GNG7: variants seen among roughly 807,000 people sequenced by gnomAD.
GNG7 encodes G protein subunit gamma 7.
Under a neutral mutation model 4.0 loss-of-function variants are expected in GNG7, and 1 was observed. That is an observed-to-expected ratio of 0.25 (90% CI 0.09 to 1.18). The LOEUF is 1.18. Among genes scored for constraint, GNG7 ranks in the 50% most tolerant of loss-of-function variants. The pLI, the probability that GNG7 is intolerant of heterozygous loss-of-function variation, is 0.50. For missense variants in GNG7, 86 were observed against 91.9 expected (o/e 0.94, Z 0.26); for synonymous variants, 34 against 36.9 (o/e 0.92, Z 0.29).
At chr19:2,694,140 G>A (rs1193607340) in intron 1 of GNG7, among the ~76,000 whole-genome samples, 1 of 152,016 alleles carries the variant, frequency 6.6e-6, no homozygotes, top group Admixed American at 6.6e-5. Context: ...GGTAAGCACA[G>A]GGGATTTGGG....
chr19:2,693,496 G>C (rs1020317403), intron 1 of GNG7, among the ~76,000 whole-genome samples: 1 of 151,974 alleles, frequency 6.6e-6, no homozygotes, highest in Non-Finnish European at 1.5e-5. Flanking sequence ...ATCAAAGGTA[G>C]TCTTTTTCTA....
At chr19:2,568,256 CACACATATAGAG>C (rs997561476) in intron 2 of GNG7, among the ~76,000 whole-genome samples, 4 of 151,150 alleles carry the variant, frequency 2.6e-5, no homozygotes, top group Non-Finnish European at 5.9e-5. Flanking sequence ...TATAGACATA[CACACATATAGAG>C]ACACATATAG....
At position 2,514,861 on chromosome 19, in the gene GNG7, TGGCGGGGAGA is replaced by T; in HGVS notation, c.*151_*160del. 1 of 618,574 alleles carries T rather than the reference TGGCGGGGAGA, an allele frequency of 1.6e-6. No individual in the cohort carries two copies. The highest frequency in any genetic ancestry group is 1.8e-5 in the African/African-American group (1 of 54,108). The allele number at this position is 618,574 out of a possible 1,614,324, so 38.3% of individuals were successfully genotyped here. A position where few individuals can be genotyped will look rare whatever the true frequency, so the allele number is the denominator to read the frequency against. ...ATCCGGGCGGTGGGAACGCCTTTTT[TGGCGGGGAGA>T]GGGGGGATTTCTTTTGGAATTAAAG... On this transcript the variant is annotated 3_prime_UTR_variant, in exon 5 of 5. Coordinates refer to ENST00000382159, the MANE Select transcript of GNG7 (RefSeq NM_052847.3).
At chr19:2,665,364 G>C (rs1320540104) in intron 1 of GNG7, among the ~76,000 whole-genome samples, 1 of 78,730 alleles carries the variant, frequency 1.3e-5, no homozygotes, top group African/African-American at 3.6e-5. Context: ...TGTCCCCTGG[G>C]GGGGGGGGGG....
At position 2,512,466 on chromosome 19, in the gene GNG7, T is replaced by A; in HGVS notation, c.*2556A>T. The A allele has an allele frequency of 1.5e-6, 1 of 677,394 alleles. No homozygotes were observed. The highest frequency in any genetic ancestry group is 1.8e-6 in the Non-Finnish European group (1 of 548,812). 42.0% of individuals were successfully genotyped at this position (677,394 alleles called of 1,614,324 possible). On this transcript the variant is annotated 3_prime_UTR_variant, in exon 5 of 5. Coordinates refer to ENST00000382159, the MANE Select transcript of GNG7 (RefSeq NM_052847.3). This position sits in a 1 kb window ranked among gnomAD's most constrained non-coding sequence, Gnocchi z 4.7. ...CGGGAGATGGTGGGGTCTGGACAGCTCAGGGAACCCAAGGCCCTGTGGACA... is the reference window on the plus strand; with the variant it reads ...CGGGAGATGGTGGGGTCTGGACAGCACAGGGAACCCAAGGCCCTGTGGACA...
chr19:2,699,507 G>A (rs752712732), intron 1 of GNG7, among the ~76,000 whole-genome samples: 103 of 152,088 alleles, frequency 6.8e-4, no homozygotes, highest in Non-Finnish European at 1.2e-3. Context: ...TCCCCTCTCC[G>A]AATGACAGCA....
chr19:2,682,072 G>C (rs1224094901), intron 1 of GNG7, among the ~76,000 whole-genome samples: 1 of 152,078 alleles, frequency 6.6e-6, no homozygotes, highest in East Asian at 1.9e-4. Context: ...ACCACGCCCG[G>C]CTAATTTTGT....
At chr19:2,551,590 C>CAAATATATATTTATAAATATGA (rs1568240124) in intron 3 of GNG7, among the ~76,000 whole-genome samples, 1 of 122,576 alleles carries the variant, frequency 8.2e-6, no homozygotes, top group Non-Finnish European at 1.7e-5. Context: ...TATAAATATG[C>CAAATATATATTTATAAATATGA]ATTTATAAAT....
At chr19:2,569,526 C>T (rs1419373738) in intron 2 of GNG7, among the ~76,000 whole-genome samples, 5 of 152,172 alleles carry the variant, frequency 3.3e-5, no homozygotes, top group East Asian at 1.9e-4. Flanking sequence ...CCACCCGCCT[C>T]GGCCTCCCAA....
rs1316756631 is a variant in GNG7, at chr19:2,546,060, C to G, written c.-38+9089G>C. ...GGGTGAGAAGGCACAGGGCAACGAT[C>G]AGGCGTTGATGTGTCCCCTGGCAGC... On this transcript the variant is annotated intron_variant, in intron 3 of 4. Coordinates refer to ENST00000382159, the MANE Select transcript of GNG7 (RefSeq NM_052847.3). The surrounding 1 kb of genome is among the most constrained non-coding windows in gnomAD (Gnocchi z 6.3). Among the ~76,000 whole-genome samples, 1 of 152,248 alleles carries G rather than the reference C, an allele frequency of 6.6e-6. No homozygotes were observed. Among genetic ancestry groups the G allele is most frequent in the Non-Finnish European group, 1.5e-5 (1 of 68,046 alleles).
At chr19:2,622,084 T>C (rs76324942) in intron 2 of GNG7, among the ~76,000 whole-genome samples, 6 of 148,432 alleles carry the variant, frequency 4.0e-5, no homozygotes, top group African/African-American at 1.3e-4. Flanking sequence ...TTTTTTTTTT[T>C]TTCTCTCTCT....
chr19:2,676,535 C>A (rs912325553), intron 1 of GNG7, among the ~76,000 whole-genome samples: 1 of 152,182 alleles, frequency 6.6e-6, no homozygotes, highest in African/African-American at 2.4e-5. Flanking sequence ...CCTCAGCCTC[C>A]CAAGGAACTG....
chr19:2,555,571 T>C (rs1416437632), intron 2 of GNG7, among the ~76,000 whole-genome samples: 3 of 152,196 alleles, frequency 2.0e-5, no homozygotes, highest in Admixed American at 6.5e-5. Flanking sequence ...CTTCGGTGTT[T>C]TTCCATCTCT....
chr19:2,647,375 G>T (rs534551293), intron 1 of GNG7, among the ~76,000 whole-genome samples: 1 of 152,140 alleles, frequency 6.6e-6, no homozygotes, highest in East Asian at 1.9e-4. Context: ...CTGGAAGCTG[G>T]GCCTAGAAGC....
intron 1 of GNG7, among the ~76,000 whole-genome samples, chr19:2,666,761 C>T (rs959146697): frequency 4.6e-5 from 7 of 152,226 alleles, no homozygotes; most frequent in Admixed American, 3.3e-4. Flanking sequence ...ATAGACTATG[C>T]ATAAATAAAT....
At chr19:2,685,758 C>T (rs978288182) in intron 1 of GNG7, among the ~76,000 whole-genome samples, 1 of 152,144 alleles carries the variant, frequency 6.6e-6, no homozygotes, top group Non-Finnish European at 1.5e-5. Context: ...CAGTAACGTC[C>T]GTGACCGCCC....
chr19:2,597,561 C>T (rs996349814), intron 2 of GNG7, among the ~76,000 whole-genome samples: 8 of 151,432 alleles, frequency 5.3e-5, no homozygotes, highest in Non-Finnish European at 1.2e-4. Flanking sequence ...CACGCCACTG[C>T]ACTCCAGCCT....
chr19:2,548,467 C>G (rs1396211081), intron 3 of GNG7, among the ~76,000 whole-genome samples: 1 of 111,082 alleles, frequency 9.0e-6, no homozygotes, highest in Non-Finnish European at 1.7e-5. Context: ...GGCGACAGAG[C>G]GAGGCTCTGT....
intron 2 of GNG7, among the ~76,000 whole-genome samples, chr19:2,597,339 G>A (rs572266122): frequency 6.6e-6 from 1 of 152,312 alleles, no homozygotes; most frequent in South Asian, 2.1e-4. Flanking sequence ...GCTCACGCCT[G>A]TAATCCTAAC....
Sources: gnomAD v4.1 joint callset for allele counts (sites outside exome capture counted in the v4.1 genomes callset) on GRCh38, gnomAD v4.1.1 for gene constraint, Gnocchi (gnomAD v3.1) non-coding constraint, MANE v1.5 for transcripts, NCBI Gene and HGNC (gene_info 2026-07-23, HGNC 2026-07-21) for gene names.